Variants in FAM227B observed in about 807,000 individuals in gnomAD.
FAM227B encodes family with sequence similarity 227 member B, also known as protein FAM227B.
Under a neutral mutation model 73.8 loss-of-function variants are expected in FAM227B, and 88 were observed. The observed-to-expected ratio is 1.19, with a 90% CI of 1.00 to 1.42. The LOEUF (loss-of-function observed/expected upper bound fraction) is 1.42, where lower values mean the gene tolerates loss of function less well. FAM227B is among the 40% of genes most tolerant of loss of function. The probability of loss-of-function intolerance (pLI) is 0.00; values close to 1 mark genes in which losing one functional copy is unlikely to be tolerated. For missense variants in FAM227B, 632 were observed against 590.9 expected, an observed-to-expected ratio of 1.07 and a Z score of -0.72; for synonymous variants, 210 against 190.5, an observed-to-expected ratio of 1.10 and a Z score of -0.84.
chr15:49,563,216 G>A (rs536722820), intron 9 of FAM227B, among the ~76,000 whole-genome samples: 1 of 152,138 alleles, frequency 6.6e-6, no homozygotes, highest in South Asian at 2.1e-4. Context: ...AAAGCTGAGA[G>A]CCAAATTAAG....
At chr15:49,588,938 A>T (rs1289312771) in intron 4 of FAM227B, among the ~76,000 whole-genome samples, 2 of 152,044 alleles carry the variant, frequency 1.3e-5, no homozygotes, top group Admixed American at 6.6e-5. Flanking sequence ...CCAAAATAAC[A>T]TAATGAATCT....
In FAM227B at chr15:49,597,829, G is replaced by C. The variant is rs547685803; in HGVS notation, c.106-7822C>G. 2.4e-3 allele frequency among the ~76,000 whole-genome samples: 364 copies of C among 152,032 alleles called. 1 individual carries two copies. Among genetic ancestry groups the C allele is most frequent in the African/African-American group, 8.5e-3 (352 of 41,514 alleles). The stretch of plus-strand genomic sequence containing the variant: ...CACAGAGATACAAAAGTTTATTCAA[G>C]GCTACTGTGAACATCTTCACACACA... On this transcript the variant is annotated intron_variant, in intron 3 of 15. Coordinates refer to ENST00000299338, the MANE Select transcript of FAM227B (RefSeq NM_152647.3).
At chr15:49,438,697 C>A (rs1042965583) in intron 11 of FAM227B, among the ~76,000 whole-genome samples, 12 of 151,532 alleles carry the variant, frequency 7.9e-5, no homozygotes, top group Non-Finnish European at 1.8e-4. Context: ...AACTGAATGA[C>A]CTTGGGCAAA....
intron 10 of FAM227B, among the ~76,000 whole-genome samples, chr15:49,531,004 T>C (rs900102474): frequency 8.6e-5 from 13 of 151,768 alleles, no homozygotes; most frequent in Admixed American, 7.9e-4. Flanking sequence ...TGTTTTACTA[T>C]GCATTATTAC....
chr15:49,575,041 G>GT lies in FAM227B; in HGVS notation c.614_615insA (p.Phe206LeufsTer8), dbSNP rs1287967707. The GT allele has an allele frequency of 6.3e-7, 1 of 1,596,884 alleles. No individual in the cohort carries two copies. Among genetic ancestry groups the GT allele is most frequent in the African/African-American group, 1.4e-5 (1 of 74,032 alleles). ...ATTTATGGAGAAACCACCACCAAAA[G>GT]GAGTCATGCAAAAGAGCAATGGAGG... On this transcript the variant is annotated frameshift_variant, in exon 8 of 16. Transcript: ENST00000299338. LOFTEE classifies it high-confidence loss of function.
chr15:49,540,329 C>T (rs2070885865), intron 10 of FAM227B, among the ~76,000 whole-genome samples: 4 of 152,144 alleles, frequency 2.6e-5, no homozygotes, highest in Non-Finnish European at 2.9e-5. Flanking sequence ...TGATATTCCC[C>T]ATCTTTCTTT....
chr15:49,486,829 A>G (rs1346441144), intron 11 of FAM227B: 1 of 151,892 alleles, frequency 6.6e-6, no homozygotes, highest in Non-Finnish European at 1.5e-5. Flanking sequence ...AAATTTTAGA[A>G]AATAAAATTT....
intron 9 of FAM227B, among the ~76,000 whole-genome samples, chr15:49,555,075 C>T (rs2073502566): frequency 1.3e-5 from 2 of 152,182 alleles, no homozygotes; most frequent in South Asian, 4.1e-4. Context: ...AGCCCATTTA[C>T]ATTCAAGGTT....
rs149399237 is a variant in FAM227B, at chr15:49,446,270, T to C, written c.1012+61941A>G. The stretch of plus-strand genomic sequence containing the variant: ...ATGTTACATGGAATCAAAGGGCAAT[T>C]AGATCTAGTTCATTAAGATTTAAAT... On this transcript the variant is annotated intron_variant, in intron 11 of 15. Coordinates refer to ENST00000299338, the MANE Select transcript of FAM227B (RefSeq NM_152647.3). 1.1e-3 allele frequency among the ~76,000 whole-genome samples: 166 copies of C among 151,600 alleles called. 3 individuals are homozygous for C. The highest frequency in any genetic ancestry group is 9.6e-3 in the Admixed American group (145 of 15,168).
chr15:49,377,371 G>T (rs983643870), intron 11 of FAM227B, among the ~76,000 whole-genome samples: 2 of 151,840 alleles, frequency 1.3e-5, no homozygotes, highest in African/African-American at 4.8e-5. Context: ...TTCTTTTGGG[G>T]GTACATATCC....
intron 5 of FAM227B, among the ~76,000 whole-genome samples, chr15:49,586,100 A>T (rs1006277048): frequency 2.6e-5 from 4 of 152,168 alleles, no homozygotes; most frequent in African/African-American, 9.7e-5. Context: ...AAAACAACAA[A>T]GCTGGGGGCA....
intron 9 of FAM227B, among the ~76,000 whole-genome samples, chr15:49,564,237 C>G (rs887771987): frequency 6.6e-6 from 1 of 152,140 alleles, no homozygotes; most frequent in Admixed American, 6.6e-5. Context: ...TGAAAAAATG[C>G]TCAACATCAC....
At chr15:49,496,039 A>T (rs529856042) in intron 11 of FAM227B, among the ~76,000 whole-genome samples, 101 of 152,172 alleles carry the variant, frequency 6.6e-4, no homozygotes, top group African/African-American at 2.4e-3. Flanking sequence ...TAAAATAAAT[A>T]AAATAAATAA....
chr15:49,363,916 T>C (rs2044681232), intron 13 of FAM227B, among the ~76,000 whole-genome samples: 1 of 152,204 alleles, frequency 6.6e-6, no homozygotes, highest in Non-Finnish European at 1.5e-5. Context: ...ATGAATCACA[T>C]TTATTGATTT....
intron 11 of FAM227B, among the ~76,000 whole-genome samples, chr15:49,432,875 A>T (rs886311897): frequency 1.3e-5 from 2 of 151,598 alleles, no homozygotes; most frequent in African/African-American, 4.8e-5. Flanking sequence ...ATGATGCCCA[A>T]CAGCTATTAT....
At chr15:49,516,251 C>A (rs1015816726) in intron 10 of FAM227B, among the ~76,000 whole-genome samples, 1 of 152,096 alleles carries the variant, frequency 6.6e-6, no homozygotes, top group Non-Finnish European at 1.5e-5. Context: ...TATCCCTAAG[C>A]TTTCTTATGA....
intron 11 of FAM227B, among the ~76,000 whole-genome samples, chr15:49,498,670 G>C (rs1315722719): frequency 2.6e-5 from 4 of 152,164 alleles, no homozygotes; most frequent in Non-Finnish European, 5.9e-5. Context: ...AAAAGGCACA[G>C]AGTGCCAAGT....
chr15:49,413,048 A>G (rs1445125162), intron 11 of FAM227B, among the ~76,000 whole-genome samples: 1 of 152,052 alleles, frequency 6.6e-6, no homozygotes, highest in African/African-American at 2.4e-5. Flanking sequence ...TCCAGTTACA[A>G]ATATTGGACA....
intron 8 of FAM227B, among the ~76,000 whole-genome samples, chr15:49,569,451 G>A (rs1027572618): frequency 2.0e-5 from 3 of 151,344 alleles, no homozygotes; most frequent in African/African-American, 4.9e-5. Context: ...TGTGTGAGAC[G>A]GTGTGGTTGA....
Sources: gnomAD v4.1 joint callset for allele counts (sites outside exome capture counted in the v4.1 genomes callset) on GRCh38, gnomAD v4.1.1 for gene constraint, MANE v1.5 for transcripts, NCBI Gene and HGNC (gene_info 2026-07-23, HGNC 2026-07-21) for gene names.